GAS2: variants seen among roughly 807,000 people sequenced by gnomAD.
The protein encoded by GAS2 is growth arrest specific 2.
In GAS2, 20 loss-of-function variants were observed where a neutral mutation model predicts 37.5. That is an observed-to-expected ratio of 0.53 (90% CI 0.37 to 0.77). The LOEUF is 0.77. Among genes scored for constraint, GAS2 ranks in the 30% least tolerant of loss-of-function variants. The pLI, the probability that GAS2 is intolerant of heterozygous loss-of-function variation, is 0.00. For missense variants in GAS2, 336 were observed against 373.4 expected, an observed-to-expected ratio of 0.90 and a Z score of 0.82; for synonymous variants, 144 against 132.2, an observed-to-expected ratio of 1.09 and a Z score of -0.61.
intron 6 of GAS2, 83 bp downstream of exon 6, chr11:22,749,344 C>A: frequency 2.4e-6 from 3 of 1,233,380 alleles, no homozygotes; most frequent in Non-Finnish European, 3.4e-6. Flanking sequence ...TCGTATCAGT[C>A]TAATCTTTAC....
intron 4 of GAS2, among the ~76,000 whole-genome samples, chr11:22,730,782 A>G (rs957548353): frequency 7.2e-5 from 11 of 151,916 alleles, no homozygotes; most frequent in South Asian, 4.1e-4. Flanking sequence ...ATATAGCTAT[A>G]GAAGGCTCTA....
intron 3 of GAS2, among the ~76,000 whole-genome samples, chr11:22,689,516 G>A (rs1263786122): frequency 2.0e-5 from 3 of 152,046 alleles, no homozygotes; most frequent in African/African-American, 7.2e-5. Flanking sequence ...GCCTTTTATA[G>A]TAAAATTTTA....
intron 7 of GAS2, among the ~76,000 whole-genome samples, chr11:22,771,320 T>C (rs575474671): frequency 6.6e-6 from 1 of 152,302 alleles, no homozygotes; most frequent in East Asian, 1.9e-4. Flanking sequence ...AATATCATCT[T>C]GGCCTTTGCT....
chr11:22,793,864 AC>A (rs369441308), intron 7 of GAS2, among the ~76,000 whole-genome samples: 47 of 152,176 alleles, frequency 3.1e-4, no homozygotes, highest in African/African-American at 1.1e-3. Flanking sequence ...GGATTTTGTA[AC>A]CATAAAGTAC....
chr11:22,646,224 A>C (rs1462413483), intron 1 of GAS2, among the ~76,000 whole-genome samples: 3 of 152,100 alleles, frequency 2.0e-5, no homozygotes, highest in Non-Finnish European at 4.4e-5. Context: ...GAAATTATTA[A>C]GGGAAATGCT....
At chr11:22,798,969 A>G (rs934315685) in intron 7 of GAS2, among the ~76,000 whole-genome samples, 3 of 152,034 alleles carry the variant, frequency 2.0e-5, no homozygotes, top group East Asian at 3.9e-4. Context: ...TTAATTTAAC[A>G]CTTTTCCTCT....
intron 5 of GAS2, among the ~76,000 whole-genome samples, chr11:22,745,473 A>G (rs960917606): frequency 1.3e-5 from 2 of 152,216 alleles, no homozygotes; most frequent in African/African-American, 4.8e-5. Flanking sequence ...AAGATACATT[A>G]AAGATTTAAA....
intron 1 of GAS2, among the ~76,000 whole-genome samples, chr11:22,654,006 T>C (rs2133837144): frequency 6.6e-6 from 1 of 152,290 alleles, no homozygotes; most frequent in East Asian, 1.9e-4. Context: ...GCACCAGATA[T>C]GTGAATGACA....
At chr11:22,727,747 T>A (rs972238412) in intron 4 of GAS2, among the ~76,000 whole-genome samples, 6 of 151,926 alleles carry the variant, frequency 3.9e-5, no homozygotes, top group African/African-American at 2.4e-5. Context: ...AGTAAAAAAA[T>A]TTGGTGGAAG....
At chr11:22,789,427 T>TATATAAATATATATATATATAAAA (rs1564889859) in intron 7 of GAS2, among the ~76,000 whole-genome samples, 6 of 33,896 alleles carry the variant, frequency 1.8e-4, no homozygotes, top group African/African-American at 7.4e-4. Flanking sequence ...TCATATGAGA[T>TATATAAATATATATATATATAAAA]ATATATATAT....
At chr11:22,705,337 T>C (rs947793994) in intron 3 of GAS2, among the ~76,000 whole-genome samples, 9 of 152,006 alleles carry the variant, frequency 5.9e-5, no homozygotes, top group Non-Finnish European at 1.2e-4. Context: ...TATGATTTGC[T>C]TCTCACTCTC....
At chr11:22,628,261 G>T (rs1481233565) in intron 1 of GAS2, among the ~76,000 whole-genome samples, 2 of 152,150 alleles carry the variant, frequency 1.3e-5, no homozygotes, top group East Asian at 3.9e-4. Flanking sequence ...TAAGAATTTT[G>T]CTATGAGAGA....
chr11:22,733,123 G>C (rs977418585), intron 4 of GAS2, among the ~76,000 whole-genome samples: 1 of 151,350 alleles, frequency 6.6e-6, no homozygotes, highest in Non-Finnish European at 1.5e-5. Context: ...TGTTTACCGG[G>C]TACCATGTGT....
chr11:22,658,453 A>G (rs988783831), intron 1 of GAS2, among the ~76,000 whole-genome samples: 1 of 152,102 alleles, frequency 6.6e-6, no homozygotes, highest in Non-Finnish European at 1.5e-5. Context: ...TAAAACCCTG[A>G]TTTTCATTCC....
At chr11:22,768,451 C>T (rs1854808217) in intron 7 of GAS2, among the ~76,000 whole-genome samples, 1 of 152,192 alleles carries the variant, frequency 6.6e-6, no homozygotes. Flanking sequence ...ATGCCAACTT[C>T]TAATCTCCCA....
At chr11:22,745,118 CAAAAAAAA>C (rs142582542) in intron 5 of GAS2, among the ~76,000 whole-genome samples, 3 of 129,026 alleles carry the variant, frequency 2.3e-5, no homozygotes, top group Admixed American at 1.6e-4. Flanking sequence ...CATTTGGAAC[CAAAAAAAA>C]AAAAAAAGAA....
chr11:22,664,078 T>G (rs568718747), upstream of GAS2, among the ~76,000 whole-genome samples: 1 of 152,304 alleles, frequency 6.6e-6, no homozygotes, highest in African/African-American at 2.4e-5. Flanking sequence ...TCCCAAGCTG[T>G]CTTTTGTCAT....
At chr11:22,731,253 G>A (rs1852460576) in intron 4 of GAS2, 1 of 386,228 alleles carries the variant, frequency 2.6e-6, no homozygotes, top group Non-Finnish European at 5.2e-6. Context: ...AAAAGGGATG[G>A]GGAAGTATTT....
intron 7 of GAS2, among the ~76,000 whole-genome samples, chr11:22,792,649 G>A (rs1460328192): frequency 1.3e-5 from 2 of 152,150 alleles, no homozygotes; most frequent in East Asian, 3.9e-4. Context: ...CGTTATGTAT[G>A]GCTTTTATAA....
Sources: gnomAD v4.1 joint callset for allele counts (sites outside exome capture counted in the v4.1 genomes callset) on GRCh38, gnomAD v4.1.1 for gene constraint, MANE v1.5 for transcripts, NCBI Gene and HGNC (gene_info 2026-07-23, HGNC 2026-07-21) for gene names.